Variants in TTN observed in about 807,000 individuals in gnomAD.
TTN encodes the protein titin.
TTN carries 1,525 observed loss-of-function variants against 3,223.0 expected under a neutral mutation model. The observed-to-expected ratio is 0.47, with a 90% CI of 0.45 to 0.49. TTN has a LOEUF of 0.49. TTN is among the 20% of genes least tolerant of loss of function. The probability of loss-of-function intolerance (pLI) is 0.00; values close to 1 mark genes in which losing one functional copy is unlikely to be tolerated. For missense variants in TTN, 40,786 were observed against 43,424.0 expected (o/e 0.94, Z 5.40); for synonymous variants, 14,094 against 15,161.0 (o/e 0.93, Z 5.17).
In TTN at chr2:178,664,449, T is replaced by A. The variant is rs751982238; in HGVS notation, c.36280+11A>T. The A allele has an allele frequency of 6.2e-7, 1 of 1,601,076 alleles. No individual in the cohort carries two copies. The highest frequency in any genetic ancestry group is 1.1e-5 in the South Asian group (1 of 88,896). ...CACTATCCCACCATAAAAAGACAGT[T>A]AAGAATGTACCTTTGACAGGTACAA... On this transcript the variant is annotated intron_variant, in intron 168 of 362. Coordinates refer to ENST00000589042, the MANE Select transcript of TTN (RefSeq NM_001267550.2).
Position 178,685,418 on chromosome 2 carries a change from TTA to T in TTN, c.32393-90_32393-89del. The T allele has an allele frequency of 4.8e-6, 7 of 1,472,508 alleles. No individual in the cohort carries two copies. In the South Asian group the frequency reaches 6.4e-5, roughly 13 times the overall value. 91.2% of individuals were successfully genotyped at this position (1,472,508 alleles called of 1,614,324 possible). On this transcript the variant is annotated intron_variant, in intron 128 of 362. Transcript: ENST00000589042. Reference sequence around the variant, plus strand: ...GGGATCTTTTTATTAGACATGATATTTATCAATATTTGCAATATGGATGACAA... The same window carrying T: ...GGGATCTTTTTATTAGACATGATATTTCAATATTTGCAATATGGATGACAA...
At position 178,542,968 on chromosome 2, in the gene TTN, G is replaced by T. The variant is rs760993419; in HGVS notation, c.96905-19C>A. On this transcript the variant is annotated intron_variant, in intron 347 of 362. Coordinates refer to ENST00000589042, the MANE Select transcript of TTN (RefSeq NM_001267550.2). Reference sequence around the variant, plus strand: ...GGCAACACTATGGGAAAGAAATCAGGCATTTATTCTTAAGCATTATTTTTA... The same window carrying T: ...GGCAACACTATGGGAAAGAAATCAGTCATTTATTCTTAAGCATTATTTTTA... 6.4e-7 allele frequency: 1 copy of T among 1,563,468 alleles called. No individual in the cohort carries two copies. The highest frequency in any genetic ancestry group is 2.0e-5 in the Admixed American group (1 of 50,906).
chr2:178,766,319 C>G, intron 41 of TTN, 62 bp downstream of exon 41: 1 of 1,329,214 alleles, frequency 7.5e-7, no homozygotes, highest in Non-Finnish European at 1.1e-6. Context: ...AATTTAGTGA[C>G]TTAAACAGGA....
chr2:178,619,376 A>C (rs1271118850), intron 250 of TTN: 1 of 542,798 alleles, frequency 1.8e-6, no homozygotes, highest in African/African-American at 1.9e-5. Flanking sequence ...GTTGTAGCCT[A>C]AGTTCATAAA....
rs1553786445 is a variant in TTN at position 178,661,822 on chromosome 2, C to T, written c.37222G>A (p.Val12408Ile). 1.2e-6 allele frequency: 2 copies of T among 1,607,640 alleles called. No homozygotes were observed. Among genetic ancestry groups the T allele is most frequent in the African/African-American group, 1.4e-5 (1 of 72,754 alleles). ...GAGGGCACTTTCTTTTCAAGGACAA[C>T]TTCTTTGGGAGCCTCTGGCACTTAA... ...PVTVPEAPKE[V>I]VLEKKVPSAP... Residue 12408 changes from valine (V) to isoleucine (I), a missense_variant, in exon 180 of 363, where the codon GTT becomes ATT. Coordinates refer to ENST00000589042, the MANE Select transcript of TTN (RefSeq NM_001267550.2).
Position 178,702,251 on chromosome 2 carries a change from G to T in TTN, c.30434-6C>A. 1 of 1,613,876 alleles carries T rather than the reference G, an allele frequency of 6.2e-7. No homozygotes were observed. On this transcript the variant is annotated splice_polypyrimidine_tract_variant and splice_region_variant and intron_variant, in intron 107 of 362. Coordinates refer to ENST00000589042, the MANE Select transcript of TTN (RefSeq NM_001267550.2). The stretch of plus-strand genomic sequence containing the variant: ...AGCGATGACCGAGTAGACACCTAGG[G>T]TGAAAAATCATCCAACTTTTGTTTT...
chr2:178,618,504 T>C lies in TTN; in HGVS notation c.46967-13A>G. On this transcript the variant is annotated splice_polypyrimidine_tract_variant and intron_variant, in intron 251 of 362. Coordinates refer to ENST00000589042, the MANE Select transcript of TTN (RefSeq NM_001267550.2). ...GGCCCAGGAACATCTGAAATTCACATATAGAGGAATTTTTTTAGTGTGCTG... is the reference window on the plus strand; with the variant it reads ...GGCCCAGGAACATCTGAAATTCACACATAGAGGAATTTTTTTAGTGTGCTG... The C allele has an allele frequency of 6.2e-7, 1 of 1,609,924 alleles. No homozygotes were observed. The highest frequency in any genetic ancestry group is 8.5e-7 in the Non-Finnish European group (1 of 1,178,510).
chr2:178,660,684 G>C (rs1232709064), intron 180 of TTN, among the ~76,000 whole-genome samples: 1 of 152,286 alleles, frequency 6.6e-6, no homozygotes, highest in African/African-American at 2.4e-5. Context: ...AGATAGGATC[G>C]AATTAAACTA....
In TTN at chr2:178,533,179, T is replaced by C. The variant is rs747582398; in HGVS notation, c.103436A>G (p.Lys34479Arg). The part of the protein sequence containing the change: ...HERHVQKQID[K>R]TLRMAEILSG... The stretch of plus-strand genomic sequence containing the variant: ...AAGAATTTCAGCCATTCTGAGGGTT[T>C]TGTCAATTTGTTTTTGTACGTGTCG... Residue 34479 changes from lysine to arginine, a missense_variant, in exon 358 of 363, where the codon AAA becomes AGA. Lys to Arg is a conservative substitution (Grantham distance 26). Transcript: ENST00000589042. 3.1e-6 allele frequency: 5 copies of C among 1,613,976 alleles called. No individual in the cohort carries two copies. The highest frequency in any genetic ancestry group is 1.7e-5 in the Admixed American group (1 of 60,018).
Position 178,775,043 on chromosome 2 carries a change from T to C in TTN, c.6668A>G (p.His2223Arg). ...EVHEGDKYRMHSDRKVHFLSI... is the reference protein window; with the variant it reads ...EVHEGDKYRMRSDRKVHFLSI... ...GAGGAAGTGAACCTTTCTGTCAGAGTGCATCCTGTATTTATCTCCCTCATG... is the reference window on the plus strand; with the variant it reads ...GAGGAAGTGAACCTTTCTGTCAGAGCGCATCCTGTATTTATCTCCCTCATG... The change falls in exon 29 of 363, where the codon CAC (histidine) becomes CGC (arginine). Residue 2223 changes from histidine to arginine, a missense_variant. Physicochemically the swap from His to Arg is conservative, Grantham distance 29. Transcript: ENST00000589042. 6.2e-7 allele frequency: 1 copy of C among 1,614,026 alleles called. No individual in the cohort carries two copies. Among genetic ancestry groups the C allele is most frequent in the Non-Finnish European group, 8.5e-7 (1 of 1,179,968 alleles).
In TTN at chr2:178,710,702, T is replaced by C; in HGVS notation, c.28395A>G (p.Gly9465=). ...CATTCACAGCATAGCAGGTATATTG[T>C]CCAGAATCTCCTTTGTCTACTTTGA... ...TVLKVDKGDS[G]QYTCYAVNEV... The change falls in exon 98 of 363, where the codon GGA becomes GGG. Residue 9465 remains glycine, a synonymous_variant. Coordinates refer to ENST00000589042, the MANE Select transcript of TTN (RefSeq NM_001267550.2). 1 of 1,613,634 alleles carries C rather than the reference T, an allele frequency of 6.2e-7. No individual in the cohort carries two copies. The highest frequency in any genetic ancestry group is 1.1e-5 in the South Asian group (1 of 91,072).
At chr2:178,765,907 G>A (rs1040710401) in intron 41 of TTN, among the ~76,000 whole-genome samples, 13 of 152,256 alleles carry the variant, frequency 8.5e-5, no homozygotes, top group African/African-American at 2.4e-4. Context: ...TTGGGGTAGA[G>A]AGGATCGAGT....
chr2:178,715,326 T>G, intron 89 of TTN, 62 bp from the exon 90 acceptor site: 1 of 1,524,486 alleles, frequency 6.6e-7, no homozygotes, highest in Non-Finnish European at 8.8e-7. Flanking sequence ...AAAGTAAGAA[T>G]CAATCTTCCA....
intron 9 of TTN, among the ~76,000 whole-genome samples, chr2:178,792,591 T>C (rs1028616726): frequency 6.6e-6 from 1 of 152,252 alleles, no homozygotes; most frequent in South Asian, 2.1e-4. Context: ...CTTTTTATTT[T>C]ACATGTGAGA....
At chr2:178,785,184 G>A (rs1436020304) in intron 15 of TTN, among the ~76,000 whole-genome samples, 1 of 148,560 alleles carries the variant, frequency 6.7e-6, no homozygotes, top group African/African-American at 2.5e-5. Flanking sequence ...GCTATATTGA[G>A]TATATAAATA....
At position 178,709,625 on chromosome 2, in the gene TTN, G is replaced by A. The variant is rs1423863240; in HGVS notation, c.28694C>T (p.Thr9565Ile). ...GCCTGCATCATTGGACACTTTGCATGTGTACAAACCAGCGTCGTTCATGCC... is the reference window on the plus strand; with the variant it reads ...GCCTGCATCATTGGACACTTTGCATATGTACAAACCAGCGTCGTTCATGCC... ...KAGMNDAGLY[T>I]CKVSNDAGSA... The change falls in exon 99 of 363, where the codon ACA (threonine) becomes ATA (isoleucine). Residue 9565 changes from threonine to isoleucine, a missense_variant. Physicochemically the swap from Thr to Ile is moderately conservative, Grantham distance 89. Transcript: ENST00000589042. 6 of 1,613,798 alleles carry A rather than the reference G, an allele frequency of 3.7e-6. No individual in the cohort carries two copies. In the African/African-American group the frequency reaches 6.7e-5, roughly 18 times the overall value.
At position 178,652,659 on chromosome 2, in the gene TTN, C is replaced by A. The variant is rs755524042; in HGVS notation, c.39037G>T (p.Val13013Phe). The change falls in exon 201 of 363, where the codon GTT (valine) becomes TTT (phenylalanine). Residue 13013 changes from valine (V) to phenylalanine (F), a missense_variant. Transcript: ENST00000589042. Reference sequence around the variant, plus strand: ...TAAACTCAATGACAAATACCTTTAACAGGTGGGACTTCAGGCTTTTTAGGA... The same window carrying A: ...TAAACTCAATGACAAATACCTTTAAAAGGTGGGACTTCAGGCTTTTTAGGA... ...APPKKPEVPP[V>F]KVPEAPKEVV... 1.8e-5 allele frequency: 29 copies of A among 1,612,918 alleles called. No homozygotes were observed. The highest frequency in any genetic ancestry group is 2.4e-5 in the Non-Finnish European group (28 of 1,179,434).
At chr2:178,700,337 G>A (rs1245558014) in intron 111 of TTN, among the ~76,000 whole-genome samples, 1 of 152,182 alleles carries the variant, frequency 6.6e-6, no homozygotes, top group African/African-American at 2.4e-5. Flanking sequence ...AGCGTTTAAT[G>A]CCAATTATAG....
Position 178,531,214 on chromosome 2 carries a change from T to G in TTN, c.105401A>C (p.Lys35134Thr). The change falls in exon 358 of 363, where the codon AAG (lysine) becomes ACG (threonine). Residue 35134 changes from lysine to threonine, a missense_variant. Physicochemically the swap from Lys to Thr is moderately conservative, Grantham distance 78 (BLOSUM62 -1). Transcript: ENST00000589042. ...CTCGTAGACGGTCATGGACCGTGGC[T>G]TTGTTAGAATTCTTGCTGCCAAAGT... ...KTTLAARILT[K>T]PRSMTVYEGE... 1 of 1,613,970 alleles carries G rather than the reference T, an allele frequency of 6.2e-7. No homozygotes were observed. Among genetic ancestry groups the G allele is most frequent in the Non-Finnish European group, 8.5e-7 (1 of 1,179,868 alleles).
Sources: gnomAD v4.1 joint callset for allele counts (sites outside exome capture counted in the v4.1 genomes callset) on GRCh38, gnomAD v4.1.1 for gene constraint, MANE v1.5 for transcripts, NCBI Gene and HGNC (gene_info 2026-07-23, HGNC 2026-07-21) for gene names.